Variants in TENM2 observed in about 807,000 individuals in gnomAD.
TENM2 encodes the protein teneurin-2.
A neutral mutation model predicts 245.2 loss-of-function variants in TENM2; 52 were observed. That is an observed-to-expected ratio of 0.21 (90% CI 0.17 to 0.27). The LOEUF is 0.27. Among genes scored for constraint, TENM2 ranks in the 10% least tolerant of loss-of-function variants. TENM2 has a pLI of 1.00. For missense variants in TENM2, 3,046 were observed against 3,666.8 expected (o/e 0.83, Z 4.37); for synonymous variants, 1,363 against 1,438.9 (o/e 0.95, Z 1.19).
At chr5:167,774,901 G>A (rs1763659153) in intron 2 of TENM2, among the ~76,000 whole-genome samples, 1 of 152,220 alleles carries the variant, frequency 6.6e-6, no homozygotes, top group Non-Finnish European at 1.5e-5. Flanking sequence ...TGTTAAGACA[G>A]TGAGTGTTGC....
chr5:167,322,453 C>T (rs578090796), intron 1 of TENM2, among the ~76,000 whole-genome samples: 8 of 152,260 alleles, frequency 5.3e-5, no homozygotes, highest in East Asian at 3.9e-4. Context: ...AATCCCACTG[C>T]GTTGCTCCCT....
the TENM2 span, among the ~76,000 whole-genome samples, chr5:167,248,831 A>T: frequency 7.2e-5 from 11 of 151,996 alleles, no homozygotes; most frequent in African/African-American, 2.7e-4. Context: ...TATGAATGAT[A>T]TTTCAAAGTT....
chr5:167,438,994 A>G (rs547278656), intron 2 of TENM2, among the ~76,000 whole-genome samples: 5 of 150,826 alleles, frequency 3.3e-5, no homozygotes, highest in East Asian at 4.0e-4. Flanking sequence ...GCGTTTCACT[A>G]TGTTAGCCAG....
At chr5:167,220,792 A>G in the TENM2 span, among the ~76,000 whole-genome samples, 1 of 152,018 alleles carries the variant, frequency 6.6e-6, no homozygotes, top group Non-Finnish European at 1.5e-5. Context: ...AACCTCAGTC[A>G]CAGCTCTTTA....
At chr5:167,282,286 C>T (rs1358993524), upstream of TENM2, among the ~76,000 whole-genome samples, 6 of 152,138 alleles carry the variant, frequency 3.9e-5, no homozygotes, top group African/African-American at 1.4e-4. Context: ...TGTTGGTACA[C>T]AGTCTTATAT....
chr5:167,952,905 AGTTC>A, intron 4 of TENM2, 83 bp downstream of exon 6: 2 of 1,170,800 alleles, frequency 1.7e-6, no homozygotes, highest in Non-Finnish European at 2.5e-6. Context: ...GGTGTCTCAG[AGTTC>A]CAGTCGGAGA....
Position 168,218,106 on chromosome 5 carries a change from G to C in TENM2, c.4234-19G>C, listed in dbSNP as rs763511076. On this transcript the variant is annotated intron_variant, in intron 22 of 28. Coordinates refer to ENST00000518659, the Ensembl canonical transcript of TENM2. The surrounding 1 kb of genome is among the most constrained non-coding windows in gnomAD (Gnocchi z 5.2). Reference sequence around the variant, plus strand: ...CATATTAAAGGCTGTTCTTTAATCTGATACCACGTCATCCACAGGTTCGTC... The same window carrying C: ...CATATTAAAGGCTGTTCTTTAATCTCATACCACGTCATCCACAGGTTCGTC... 1 of 1,604,118 alleles carries C rather than the reference G, an allele frequency of 6.2e-7. No individual in the cohort carries two copies. The highest frequency in any genetic ancestry group is 1.7e-5 in the Admixed American group (1 of 59,636).
intron 1 of TENM2, among the ~76,000 whole-genome samples, chr5:167,334,003 T>C (rs747713906): frequency 4.8e-4 from 73 of 152,314 alleles, no homozygotes; most frequent in Non-Finnish European, 8.2e-4. Flanking sequence ...ACTAAATATA[T>C]AGCATGTAAA....
chr5:167,752,157 C>A (rs1386782097), intron 2 of TENM2, among the ~76,000 whole-genome samples: 1 of 151,824 alleles, frequency 6.6e-6, no homozygotes, highest in Non-Finnish European at 1.5e-5. Context: ...TACAGTGGTG[C>A]AATCTCAGCT....
At chr5:167,272,698 A>C in the TENM2 span, among the ~76,000 whole-genome samples, 5 of 152,290 alleles carry the variant, frequency 3.3e-5, no homozygotes, top group Admixed American at 2.0e-4. Context: ...TAGATTTAAC[A>C]GATTGCCTCT....
intron 2 of TENM2, among the ~76,000 whole-genome samples, chr5:167,452,055 A>C (rs1765618896): frequency 6.6e-6 from 1 of 152,182 alleles, no homozygotes; most frequent in Non-Finnish European, 1.5e-5. Context: ...TCAGAGCATA[A>C]AACATTGCCT....
chr5:167,321,304 A>G (rs978468593), intron 1 of TENM2, among the ~76,000 whole-genome samples: 2 of 152,160 alleles, frequency 1.3e-5, no homozygotes, highest in East Asian at 1.9e-4. Flanking sequence ...GGGGCTGTTC[A>G]GGCCAGGATA....
intron 2 of TENM2, among the ~76,000 whole-genome samples, chr5:167,842,036 T>C (rs1024383842): frequency 6.6e-6 from 1 of 152,198 alleles, no homozygotes; most frequent in African/African-American, 2.4e-5. Flanking sequence ...CGTGAATTCT[T>C]TTTGACCAAA....
At chr5:167,672,660 G>A (rs528544347) in intron 2 of TENM2, among the ~76,000 whole-genome samples, 20 of 152,156 alleles carry the variant, frequency 1.3e-4, no homozygotes, top group African/African-American at 4.8e-4. Context: ...AGATCTGTGC[G>A]ATCTGAAAAT....
At chr5:167,489,690 G>T (rs750210030) in intron 2 of TENM2, among the ~76,000 whole-genome samples, 2 of 152,030 alleles carry the variant, frequency 1.3e-5, no homozygotes, top group Admixed American at 6.6e-5. Context: ...TATGCATTTT[G>T]TTCACTGATG....
chr5:167,858,827 A>T (rs1301886209), intron 2 of TENM2, among the ~76,000 whole-genome samples: 84 of 147,440 alleles, frequency 5.7e-4, no homozygotes, highest in African/African-American at 1.8e-3. Flanking sequence ...CCCGGGAGGC[A>T]GCGGCTGGAG....
chr5:167,251,347 G>T, the TENM2 span, among the ~76,000 whole-genome samples: 2 of 152,044 alleles, frequency 1.3e-5, no homozygotes, highest in Non-Finnish European at 2.9e-5. Flanking sequence ...CCCTTCCATA[G>T]GAGAATGTAT....
chr5:166,988,990 C>A, the TENM2 span, among the ~76,000 whole-genome samples: 1 of 152,122 alleles, frequency 6.6e-6, no homozygotes, highest in Non-Finnish European at 1.5e-5. Context: ...ATAATAAGAA[C>A]CAAAGACTTT....
chr5:167,526,423 A>G (rs1405935560), intron 2 of TENM2, among the ~76,000 whole-genome samples: 1 of 151,214 alleles, frequency 6.6e-6, no homozygotes, highest in African/African-American at 2.4e-5. Flanking sequence ...TCTGCAACAG[A>G]TTGCTAACAG....
Sources: allele counts gnomAD v4.1 joint callset (sites outside exome capture counted in the v4.1 genomes callset), GRCh38; gene constraint gnomAD v4.1.1; non-coding constraint Gnocchi (gnomAD v3.1); transcripts MANE v1.5; gene names NCBI Gene and HGNC (gene_info 2026-07-23, HGNC 2026-07-21).